GRID2: variants seen among roughly 807,000 people sequenced by gnomAD.
GRID2 encodes the protein glutamate receptor ionotropic, delta-2.
Under a neutral mutation model 114.8 loss-of-function variants are expected in GRID2, and 33 were observed. That is an observed-to-expected ratio of 0.29 (90% CI 0.22 to 0.38). GRID2 has a LOEUF of 0.38. Among genes scored for constraint, GRID2 ranks in the 10% least tolerant of loss-of-function variants. The pLI is 1.00. For synonymous variants in GRID2, 505 were observed against 449.9 expected, an observed-to-expected ratio of 1.12 and a Z score of -1.55; for missense variants, 1,184 against 1,257.7, an observed-to-expected ratio of 0.94 and a Z score of 0.89.
chr4:93,648,608 T>C (rs905576161), intron 14 of GRID2, among the ~76,000 whole-genome samples: 1 of 152,212 alleles, frequency 6.6e-6, no homozygotes, highest in Non-Finnish European at 1.5e-5. Context: ...TCTCCATTTT[T>C]AGCCAAGCAT....
At chr4:92,411,806 C>A in intron 1 of GRID2, among the ~76,000 whole-genome samples, 1 of 151,152 alleles carries the variant, frequency 6.6e-6, no homozygotes, top group East Asian at 1.9e-4. Context: ...CCCGGGTTCA[C>A]GCCATTCTCC....
At chr4:92,888,774 C>T (rs1746544850) in intron 2 of GRID2, among the ~76,000 whole-genome samples, 1 of 150,710 alleles carries the variant, frequency 6.6e-6, no homozygotes, top group Non-Finnish European at 1.5e-5. Flanking sequence ...CTCTTGCACC[C>T]TTTATCTAGT....
chr4:93,695,880 A>C (rs1420038680), intron 14 of GRID2, among the ~76,000 whole-genome samples: 1 of 152,228 alleles, frequency 6.6e-6, no homozygotes, highest in Non-Finnish European at 1.5e-5. Context: ...TTAATGAGAT[A>C]ATGTATTTGA....
At chr4:92,378,105 A>T (rs896487615) in intron 1 of GRID2, among the ~76,000 whole-genome samples, 1 of 151,996 alleles carries the variant, frequency 6.6e-6, no homozygotes, top group Non-Finnish European at 1.5e-5. Context: ...TAAAAAAAAA[A>T]CTTAGATATT....
rs1028858604 is a variant in GRID2 at position 92,991,214 on chromosome 4, G to T, written c.245-93781G>T. Reference sequence around the variant, plus strand: ...TTTAAATTTTAAAGCTCAGAATCTTGCAGGGCTGTAATAATCATGGTTTGC... The same window carrying T: ...TTTAAATTTTAAAGCTCAGAATCTTTCAGGGCTGTAATAATCATGGTTTGC... On this transcript the variant is annotated intron_variant, in intron 2 of 15. Transcript: ENST00000282020. Among the ~76,000 whole-genome samples the T allele has an allele frequency of 3.9e-5, 6 of 152,242 alleles. No homozygotes were observed. The East Asian group carries it at 9.6e-4, about 24-fold the overall frequency.
rs1209333861 is a variant in GRID2 at position 93,772,161 on chromosome 4, C to G, written c.2687C>G (p.Ser896Cys). Residue 896 changes from serine to cysteine, a missense_variant, in exon 16 of 16, where the codon TCC becomes TGC. Ser to Cys is a moderately radical substitution (Grantham distance 112). This residue lies in a region of GRID2 where 717 missense variants were observed against 796.9 expected (regional missense o/e 0.90). Transcript: ENST00000282020. ...GACGACAGCCCCCATAAACAGTTTT[C>G]CACCTCGTCAATTGATTTGACCCCT... ...TDDDSPHKQF[S>C]TSSIDLTPLD... The G allele has an allele frequency of 6.2e-7, 1 of 1,613,504 alleles. No homozygotes were observed. The highest frequency in any genetic ancestry group is 8.5e-7 in the Non-Finnish European group (1 of 1,179,488).
Position 93,774,369 on chromosome 4 carries a change from C to A in GRID2, c.*1871C>A, listed in dbSNP as rs925291777. ...TTACAACAAGCTATATAGGGACATACCAGATGTTGCAGTGATTTTAGCTAT... is the reference window on the plus strand; with the variant it reads ...TTACAACAAGCTATATAGGGACATAACAGATGTTGCAGTGATTTTAGCTAT... On this transcript the variant is annotated 3_prime_UTR_variant, in exon 16 of 16. Coordinates refer to ENST00000282020, the MANE Select transcript of GRID2 (RefSeq NM_001510.4). The A allele has an allele frequency of 2.0e-5, 3 of 152,024 alleles. No homozygotes were observed. Among genetic ancestry groups the A allele is most frequent in the Non-Finnish European group, 4.4e-5 (3 of 67,964 alleles). The allele number at this position is 152,024 out of a possible 1,614,324, so 9.4% of individuals were successfully genotyped here.
At chr4:93,713,252 T>C (rs1449622747) in intron 14 of GRID2, among the ~76,000 whole-genome samples, 1 of 152,160 alleles carries the variant, frequency 6.6e-6, no homozygotes, top group African/African-American at 2.4e-5. Context: ...AACCAGTTGC[T>C]CACCTCTAGC....
Position 93,109,934 on chromosome 4 carries a change from C to A in GRID2, c.530-814C>A, listed in dbSNP as rs934961770. ...ACTCTTTAGATTGAATTTTACTTTT[C>A]TTATTTAAGTGTGACGTGGACACTG... On this transcript the variant is annotated intron_variant, in intron 3 of 15. Transcript: ENST00000282020. Among the ~76,000 whole-genome samples the A allele has an allele frequency of 2.0e-5, 3 of 151,950 alleles. No individual in the cohort carries two copies. In the South Asian group the frequency reaches 6.2e-4, roughly 31 times the overall value.
chr4:92,824,510 CAT>C lies in GRID2; in HGVS notation c.244+234227_244+234228del, dbSNP rs1042692211. Among the ~76,000 whole-genome samples the C allele has an allele frequency of 6.6e-4, 100 of 152,048 alleles. 1 individual carries two copies. Among genetic ancestry groups the C allele is most frequent in the African/African-American group, 2.1e-3 (87 of 41,530 alleles). On this transcript the variant is annotated intron_variant, in intron 2 of 15. Coordinates refer to ENST00000282020, the MANE Select transcript of GRID2 (RefSeq NM_001510.4). ...CTCAAAAGAATAAATTAATTATTAACATATGTTTCTGAAAATAAACTTTTATT... is the reference window on the plus strand; with the variant it reads ...CTCAAAAGAATAAATTAATTATTAACATGTTTCTGAAAATAAACTTTTATT...
intron 2 of GRID2, among the ~76,000 whole-genome samples, chr4:92,832,747 A>G (rs1394404395): frequency 6.6e-6 from 1 of 152,046 alleles, no homozygotes; most frequent in Admixed American, 6.6e-5. Flanking sequence ...AGATCATGCC[A>G]CTGCACTCCA....
At chr4:92,902,831 T>C (rs922472970) in intron 2 of GRID2, among the ~76,000 whole-genome samples, 2 of 151,984 alleles carry the variant, frequency 1.3e-5, no homozygotes, top group African/African-American at 4.8e-5. Context: ...GGATTCTCTG[T>C]TCTAGTGATC....
At chr4:93,015,500 G>T (rs1342691655) in intron 2 of GRID2, among the ~76,000 whole-genome samples, 1 of 152,090 alleles carries the variant, frequency 6.6e-6, no homozygotes, top group Non-Finnish European at 1.5e-5. Context: ...ACCTCATAGG[G>T]TTGTAGTGAT....
intron 2 of GRID2, among the ~76,000 whole-genome samples, chr4:92,798,174 C>A (rs1486424009): frequency 6.6e-6 from 1 of 151,782 alleles, no homozygotes; most frequent in Non-Finnish European, 1.5e-5. Context: ...ATATTTCAAC[C>A]CACCTATTTT....
At chr4:92,779,917 T>C (rs1738988754) in intron 2 of GRID2, among the ~76,000 whole-genome samples, 1 of 152,138 alleles carries the variant, frequency 6.6e-6, no homozygotes, top group South Asian at 2.1e-4. Flanking sequence ...GTTCATAAAG[T>C]CTAGTTTGGA....
At chr4:92,639,748 A>G (rs983275815) in intron 2 of GRID2, among the ~76,000 whole-genome samples, 1 of 151,802 alleles carries the variant, frequency 6.6e-6, no homozygotes, top group Non-Finnish European at 1.5e-5. Flanking sequence ...TATGTAATGT[A>G]ACAAAATTAC....
At chr4:92,399,673 A>C (rs540790506) in intron 1 of GRID2, among the ~76,000 whole-genome samples, 98 of 151,208 alleles carry the variant, frequency 6.5e-4, no homozygotes, top group South Asian at 1.0e-3. Flanking sequence ...CTCTATATAT[A>C]TATATATATA....
In GRID2 at chr4:92,648,542, C is replaced by T. The variant is rs767430833; in HGVS notation, c.244+58256C>T. On this transcript the variant is annotated intron_variant, in intron 2 of 15. Transcript: ENST00000282020. ...AATGCTGGGGGTTGAAAGAAACAGC[C>T]GTTTCTCCCTTCACTGAAGTTACAT... Among the ~76,000 whole-genome samples, 6 of 149,336 alleles carry T rather than the reference C, an allele frequency of 4.0e-5. 1 individual carries two copies. The highest frequency in any genetic ancestry group is 7.6e-5 in the African/African-American group (3 of 39,700).
chr4:93,787,009 C>T (rs936734279), intron 1 of GRID2, among the ~76,000 whole-genome samples: 2 of 151,774 alleles, frequency 1.3e-5, no homozygotes, highest in African/African-American at 4.8e-5. Context: ...TGCTTCATCT[C>T]ATCCCCACAA....
Sources: gnomAD v4.1 joint callset for allele counts (sites outside exome capture counted in the v4.1 genomes callset) on GRCh38, gnomAD v4.1.1 for gene constraint, gnomAD v4.1.1 regional missense constraint, MANE v1.5 for transcripts, NCBI Gene and HGNC (gene_info 2026-07-23, HGNC 2026-07-21) for gene names.